The following MACROD2 variants were observed in gnomAD, a reference collection of about 807,000 sequenced individuals.
MACROD2 encodes ADP-ribose glycohydrolase MACROD2.
A neutral mutation model predicts 70.4 loss-of-function variants in MACROD2; 36 were observed. The observed-to-expected ratio is 0.51, with a 90% CI of 0.39 to 0.68. The LOEUF is 0.68. MACROD2 is among the 30% of genes least tolerant of loss of function. MACROD2 has a pLI of 0.00. For missense variants in MACROD2, 496 were observed against 538.4 expected (o/e 0.92, Z 0.78); for synonymous variants, 172 against 178.8 (o/e 0.96, Z 0.30).
At chr20:15,880,760 CAA>C (rs2064743308) in intron 9 of MACROD2, among the ~76,000 whole-genome samples, 3 of 152,008 alleles carry the variant, frequency 2.0e-5, no homozygotes, top group Admixed American at 2.0e-4. Flanking sequence ...AGCCCTCAGG[CAA>C]AGAGACCCAG....
chr20:15,149,577 A>C (rs1003322347), intron 5 of MACROD2, among the ~76,000 whole-genome samples: 3 of 152,022 alleles, frequency 2.0e-5, no homozygotes, highest in East Asian at 1.9e-4. Flanking sequence ...AGGGAGCAGA[A>C]AGTATATGCG....
At chr20:15,869,228 T>TAGAGAGAGAG (rs1336136214) in intron 9 of MACROD2, among the ~76,000 whole-genome samples, 2 of 43,946 alleles carry the variant, frequency 4.6e-5, no homozygotes, top group African/African-American at 6.2e-5. Flanking sequence ...TATATATATA[T>TAGAGAGAGAG]ATATATATAT....
rs2051469323 is a variant in MACROD2, at chr20:15,763,370, A to G, written c.646-99375A>G. Among the ~76,000 whole-genome samples the G allele has an allele frequency of 2.0e-5, 3 of 152,334 alleles. No individual in the cohort carries two copies. The South Asian group carries it at 6.2e-4, about 32-fold the overall frequency. ...ACATCAAAGCCTGCCATCAAGTGGTATCATATCATTTTATGATGTAAGACA... is the reference window on the plus strand; with the variant it reads ...ACATCAAAGCCTGCCATCAAGTGGTGTCATATCATTTTATGATGTAAGACA... On this transcript the variant is annotated intron_variant, in intron 8 of 17. Transcript: ENST00000684519.
chr20:15,344,567 AT>A (rs376632258), intron 6 of MACROD2, among the ~76,000 whole-genome samples: 21 of 151,690 alleles, frequency 1.4e-4, no homozygotes, highest in East Asian at 1.2e-3. Flanking sequence ...AGAAACAATT[AT>A]TTTTTTTTAT....
At chr20:14,956,506 C>T (rs987298256) in intron 5 of MACROD2, among the ~76,000 whole-genome samples, 2 of 152,032 alleles carry the variant, frequency 1.3e-5, no homozygotes, top group African/African-American at 4.8e-5. Flanking sequence ...AATTAATACT[C>T]TTAGAAGCAG....
At chr20:15,275,235 AAAAC>A (rs768107927) in intron 6 of MACROD2, among the ~76,000 whole-genome samples, 42 of 152,332 alleles carry the variant, frequency 2.8e-4, no homozygotes, top group East Asian at 1.3e-3. Flanking sequence ...AACAACAACA[AAAAC>A]AAACAAACAA....
At chr20:14,168,876 C>G (rs573778606) in intron 3 of MACROD2, among the ~76,000 whole-genome samples, 1 of 152,228 alleles carries the variant, frequency 6.6e-6, no homozygotes, top group African/African-American at 2.4e-5. Flanking sequence ...CTCCCTAATA[C>G]AAAACCAGGA....
chr20:14,734,835 G>A (rs534545328), intron 5 of MACROD2, among the ~76,000 whole-genome samples: 42 of 152,254 alleles, frequency 2.8e-4, no homozygotes, highest in African/African-American at 9.4e-4. Context: ...ATAAATCCAT[G>A]CATCTATGGG....
At chr20:15,774,138 A>G (rs563874646) in intron 8 of MACROD2, among the ~76,000 whole-genome samples, 1 of 152,204 alleles carries the variant, frequency 6.6e-6, no homozygotes, top group Admixed American at 6.5e-5. Flanking sequence ...TCTGTGCTCT[A>G]AGACAGTTGC....
At chr20:14,777,508 T>G (rs2072248796) in intron 5 of MACROD2, among the ~76,000 whole-genome samples, 1 of 152,040 alleles carries the variant, frequency 6.6e-6, no homozygotes, top group Non-Finnish European at 1.5e-5. Flanking sequence ...GTGGCAGTCC[T>G]TAACAGCTGT....
chr20:15,555,513 T>C, intron 8 of MACROD2, among the ~76,000 whole-genome samples: 1 of 151,792 alleles, frequency 6.6e-6, no homozygotes, highest in East Asian at 1.9e-4. Context: ...GATGGATGGG[T>C]TCTGCCCTCT....
chr20:14,329,823 T>G (rs1783587861), intron 3 of MACROD2, among the ~76,000 whole-genome samples: 1 of 152,030 alleles, frequency 6.6e-6, no homozygotes, highest in Non-Finnish European at 1.5e-5. Context: ...TTTGATTTGC[T>G]TAGTGCCCTG....
intron 6 of MACROD2, among the ~76,000 whole-genome samples, chr20:15,231,072 G>C (rs950994251): frequency 1.3e-5 from 2 of 152,070 alleles, no homozygotes; most frequent in African/African-American, 4.8e-5. Flanking sequence ...CTGGATGGTT[G>C]TTATGCTTTT....
intron 6 of MACROD2, among the ~76,000 whole-genome samples, chr20:15,362,493 A>G (rs1165958033): frequency 5.3e-5 from 8 of 152,128 alleles, no homozygotes; most frequent in Non-Finnish European, 1.5e-5. Context: ...GAGTTTTTAA[A>G]AAATATTATG....
intron 8 of MACROD2, among the ~76,000 whole-genome samples, chr20:15,777,663 G>T (rs558342332): frequency 1.9e-5 from 2 of 106,426 alleles, no homozygotes; most frequent in Non-Finnish European, 3.6e-5. Context: ...TCTTTCTTTC[G>T]AGACAGAGTC....
At chr20:15,295,418 C>T (rs1319396109) in intron 6 of MACROD2, among the ~76,000 whole-genome samples, 3 of 152,112 alleles carry the variant, frequency 2.0e-5, no homozygotes, top group Non-Finnish European at 4.4e-5. Flanking sequence ...AGTGCACAGT[C>T]TGTTGAGATG....
rs1411249424 is a variant in MACROD2, at chr20:14,311,923, T to G, written c.272-181556T>G. Reference sequence around the variant, plus strand: ...AGGTTTCTTTTCCAATTAACCTTTGTACACTGTTTTGTGAATTATACTATA... The same window carrying G: ...AGGTTTCTTTTCCAATTAACCTTTGGACACTGTTTTGTGAATTATACTATA... On this transcript the variant is annotated intron_variant, in intron 3 of 17. Coordinates refer to ENST00000684519, the MANE Select transcript of MACROD2 (RefSeq NM_001351661.2). Among the ~76,000 whole-genome samples the G allele has an allele frequency of 2.6e-5, 4 of 151,366 alleles. No homozygotes were observed. The East Asian group carries it at 7.7e-4, about 29-fold the overall frequency.
chr20:14,124,936 G>A (rs1473420280), intron 3 of MACROD2, among the ~76,000 whole-genome samples: 1 of 152,158 alleles, frequency 6.6e-6, no homozygotes, highest in African/African-American at 2.4e-5. Context: ...TACACAAAAT[G>A]TGGTCTATCC....
At chr20:15,921,906 C>T (rs746130011) in intron 10 of MACROD2, among the ~76,000 whole-genome samples, 1 of 152,166 alleles carries the variant, frequency 6.6e-6, no homozygotes, top group African/African-American at 2.4e-5. Context: ...GGGAGGACTC[C>T]GGGAAATAGT....
Sources: gnomAD v4.1 joint callset for allele counts (sites outside exome capture counted in the v4.1 genomes callset) on GRCh38, gnomAD v4.1.1 for gene constraint, MANE v1.5 for transcripts, NCBI Gene and HGNC (gene_info 2026-07-23, HGNC 2026-07-21) for gene names.